Variants in VPS13C observed in about 807,000 individuals in gnomAD.
VPS13C encodes intermembrane lipid transfer protein VPS13C.
Under a neutral mutation model 456.8 loss-of-function variants are expected in VPS13C, and 358 were observed. The ratio of observed to expected loss-of-function variants is 0.78; its 90% confidence interval spans 0.72 to 0.86. The LOEUF is 0.86. Among genes scored for constraint, VPS13C ranks in the 40% least tolerant of loss-of-function variants. The pLI is 0.00. For synonymous variants in VPS13C, 1,578 were observed against 1,486.7 expected (o/e 1.06, Z -1.41); for missense variants, 4,818 against 4,385.4 (o/e 1.10, Z -2.79).
rs2140187118 is a variant in VPS13C at position 61,922,549 on chromosome 15, T to A, written c.6823A>T (p.Asn2275Tyr). The change falls in exon 54 of 85, where the codon AAT becomes TAT. Residue 2275 changes from asparagine (N) to tyrosine (Y), a missense_variant. Coordinates refer to ENST00000644861, the MANE Select transcript of VPS13C (RefSeq NM_020821.3). Reference protein sequence around the residue: ...KGIEHSLIEENCGVVVESIQV... With the variant: ...KGIEHSLIEEYCGVVVESIQV... ...ATGGATTCTACAACAACACCACAAT[T>A]TTCCTCTATCAGTGAATGTTCAATG... The A allele has an allele frequency of 6.2e-7, 1 of 1,614,072 alleles. No individual in the cohort carries two copies. Among genetic ancestry groups the A allele is most frequent in the Non-Finnish European group, 8.5e-7 (1 of 1,179,960 alleles).
At chr15:61,871,902 A>G in intron 79 of VPS13C, 87 bp downstream of exon 79, 1 of 1,160,162 alleles carries the variant, frequency 8.6e-7, no homozygotes. Context: ...TTCTCAATCA[A>G]GTATATAGCA....
intron 66 of VPS13C, among the ~76,000 whole-genome samples, chr15:61,894,645 G>C (rs2042751886): frequency 6.6e-6 from 1 of 151,968 alleles, no homozygotes; most frequent in Non-Finnish European, 1.5e-5. Context: ...AAGAGACAAA[G>C]TCACTATATA....
In VPS13C at chr15:61,884,271, T is replaced by A; in HGVS notation, c.9342-2A>T. The stretch of plus-strand genomic sequence containing the variant: ...TTCACCTCCCAAACAACACCAGAAC[T>A]AAATAATTCACACAAAAAAATTAAA... On this transcript the variant is annotated splice_acceptor_variant, in intron 67 of 84. Transcript: ENST00000644861. LOFTEE classifies it high-confidence loss of function. 6.2e-7 allele frequency: 1 copy of A among 1,607,736 alleles called. No individual in the cohort carries two copies. Among genetic ancestry groups the A allele is most frequent in the Non-Finnish European group, 8.5e-7 (1 of 1,178,312 alleles).
chr15:62,001,516 CTTT>C (rs556179507), intron 15 of VPS13C, among the ~76,000 whole-genome samples: 1 of 150,966 alleles, frequency 6.6e-6, no homozygotes, highest in Non-Finnish European at 1.5e-5. Flanking sequence ...TTCGTATTTA[CTTT>C]TTTTTTATTA....
At chr15:61,885,859 A>C (rs1896225597) in intron 67 of VPS13C, among the ~76,000 whole-genome samples, 1 of 152,146 alleles carries the variant, frequency 6.6e-6, no homozygotes, top group Non-Finnish European at 1.5e-5. Flanking sequence ...CTATTTATAC[A>C]GGTTAATCCT....
chr15:61,856,639 A>G (rs1455777319), intron 82 of VPS13C: 4 of 350,386 alleles, frequency 1.1e-5, no homozygotes, highest in Non-Finnish European at 2.0e-5. Context: ...CCCTTCTGTC[A>G]ATCTTGCAGA....
intron 66 of VPS13C, among the ~76,000 whole-genome samples, chr15:61,901,473 A>C (rs1199457546): frequency 6.6e-6 from 1 of 152,202 alleles, no homozygotes; most frequent in Non-Finnish European, 1.5e-5. Context: ...ACACTTCTCA[A>C]AAGAAGACAT....
At chr15:61,866,792 C>T in intron 81 of VPS13C, 1 of 980,986 alleles carries the variant, frequency 1.0e-6, no homozygotes. Flanking sequence ...AAACATAAAA[C>T]ATTCAATTTA....
In VPS13C at chr15:61,894,462, A is replaced by T. The variant is rs532018823; in HGVS notation, c.9106-4062T>A. Among the ~76,000 whole-genome samples, 6 of 152,306 alleles carry T rather than the reference A, an allele frequency of 3.9e-5. No individual in the cohort carries two copies. In the East Asian group the frequency reaches 1.2e-3, roughly 29 times the overall value. On this transcript the variant is annotated intron_variant, in intron 66 of 84. Transcript: ENST00000644861. ...CTGGGTAAATTAAAAAATATGGCCC[A>T]ACTATATGTTGTCTACCAGAAACAC...
intron 3 of VPS13C, among the ~76,000 whole-genome samples, chr15:62,040,956 T>C (rs922654106): frequency 1.4e-4 from 21 of 151,986 alleles, no homozygotes; most frequent in Admixed American, 8.5e-4. Context: ...ATGAAGGAAA[T>C]AAGCTACATT....
chr15:61,918,008 G>T (rs2043527712), intron 59 of VPS13C, 128 bp downstream of exon 59: 5 of 906,854 alleles, frequency 5.5e-6, no homozygotes, highest in Non-Finnish European at 8.0e-6. Context: ...TTTCTCAATG[G>T]AAGACTAAAT....
At position 61,867,864 on chromosome 15, in the gene VPS13C, T is replaced by C. The variant is rs1894700278; in HGVS notation, c.10863+795A>G. On this transcript the variant is annotated intron_variant, in intron 81 of 84. Coordinates refer to ENST00000644861, the MANE Select transcript of VPS13C (RefSeq NM_020821.3). The surrounding 1 kb of genome is among the most constrained non-coding windows in gnomAD (Gnocchi z 5.0). ...GACAATGGAATTCACACACAGTCAA[T>C]TAACACCACAGTTTGTTTTGATTTT... 3 of 1,588,362 alleles carry C rather than the reference T, an allele frequency of 1.9e-6. No individual in the cohort carries two copies. Among genetic ancestry groups the C allele is most frequent in the Non-Finnish European group, 2.6e-6 (3 of 1,167,606 alleles).
At chr15:61,879,155 A>G (rs925628192) in intron 73 of VPS13C, among the ~76,000 whole-genome samples, 9 of 152,114 alleles carry the variant, frequency 5.9e-5, no homozygotes, top group Non-Finnish European at 1.0e-4. Context: ...CAAGTTTTTA[A>G]AAGTATAATA....
chr15:61,968,198 T>C (rs2045438365), intron 28 of VPS13C, among the ~76,000 whole-genome samples: 1 of 152,068 alleles, frequency 6.6e-6, no homozygotes, highest in African/African-American at 2.4e-5. Flanking sequence ...TTATAAAACA[T>C]AGGTCTTTAT....
chr15:62,050,506 TA>T, intron 1 of VPS13C, among the ~76,000 whole-genome samples: 1 of 152,176 alleles, frequency 6.6e-6, no homozygotes, highest in Non-Finnish European at 1.5e-5. Flanking sequence ...AGAAATATAC[TA>T]AAAGGGCCAG....
chr15:61,907,189 A>G lies in VPS13C; in HGVS notation c.9105+75T>C, dbSNP rs774499007. 4 of 1,596,006 alleles carry G rather than the reference A, an allele frequency of 2.5e-6. No individual in the cohort carries two copies. The Admixed American group carries it at 6.7e-5, about 27-fold the overall frequency. ...CACTTTTAGTTCAATTAGGACAAGG[A>G]GTCAGTGAAGATAGCTTCTCTACTT... On this transcript the variant is annotated intron_variant, in intron 66 of 84. Coordinates refer to ENST00000644861, the MANE Select transcript of VPS13C (RefSeq NM_020821.3).
chr15:61,961,780 A>C lies in VPS13C; in HGVS notation c.3717T>G (p.Val1239=). ...VKDLAQRSFR[V]SINIDLKAPV... ...GTGCTTTCAAATCAATATTGATGGA[A>C]ACACGAAAACTCCTCTGGGCAAGAT... Residue 1239 remains valine, a synonymous_variant, in exon 35 of 85, where the codon GTT becomes GTG. Transcript: ENST00000644861. 1 of 1,614,032 alleles carries C rather than the reference A, an allele frequency of 6.2e-7. No individual in the cohort carries two copies. Among genetic ancestry groups the C allele is most frequent in the Non-Finnish European group, 8.5e-7 (1 of 1,179,958 alleles).
At position 61,991,081 on chromosome 15, in the gene VPS13C, A is replaced by G. The variant is rs139956533; in HGVS notation, c.1497T>C (p.Leu499=). Residue 499 remains leucine, a synonymous_variant, in exon 18 of 85, where the codon CTT becomes CTC. Transcript: ENST00000644861. ...GTTTATCTTTTTCCTCTGGAGTCATAAGGTCATCAATAGCTATGAAAAAAC... is the reference window on the plus strand; with the variant it reads ...GTTTATCTTTTTCCTCTGGAGTCATGAGGTCATCAATAGCTATGAAAAAAC... ...ESLIPETIDD[L]MTPEEKDKLF... is the part of the protein sequence containing the mutation. 3 of 1,609,104 alleles carry G rather than the reference A, an allele frequency of 1.9e-6. No individual in the cohort carries two copies. Among genetic ancestry groups the G allele is most frequent in the Non-Finnish European group, 2.5e-6 (3 of 1,178,392 alleles).
intron 1 of VPS13C, among the ~76,000 whole-genome samples, chr15:62,050,787 C>A: frequency 7.4e-6 from 1 of 134,994 alleles, no homozygotes; most frequent in Admixed American, 8.3e-5. Flanking sequence ...CAGTGACAGC[C>A]AGAGCAAGAC....
Sources: allele counts gnomAD v4.1 joint callset (sites outside exome capture counted in the v4.1 genomes callset), GRCh38; gene constraint gnomAD v4.1.1; non-coding constraint Gnocchi (gnomAD v3.1); transcripts MANE v1.5; gene names NCBI Gene and HGNC (gene_info 2026-07-23, HGNC 2026-07-21).